The following TRIM37 variants were observed in gnomAD, a reference collection of about 807,000 sequenced individuals.
TRIM37 encodes the protein tripartite motif containing 37, also known as E3 ubiquitin-protein ligase TRIM37.
Under a neutral mutation model 129.8 loss-of-function variants are expected in TRIM37, and 80 were observed. The observed-to-expected ratio is 0.62, with a 90% CI of 0.51 to 0.74. The LOEUF (loss-of-function observed/expected upper bound fraction) is 0.74, where lower values mean the gene tolerates loss of function less well. TRIM37 is among the 30% of genes least tolerant of loss of function. The pLI, the probability that TRIM37 is intolerant of heterozygous loss-of-function variation, is 0.00. For missense variants in TRIM37, 1,054 were observed against 1,176.5 expected, an observed-to-expected ratio of 0.90 and a Z score of 1.52; for synonymous variants, 389 against 387.1, an observed-to-expected ratio of 1.00 and a Z score of -0.06.
exon 25 of TRIM37, chr17:58,982,851 A>ATATC: frequency 6.6e-7 from 1 of 1,506,316 alleles, no homozygotes; most frequent in Non-Finnish European, 9.1e-7. Flanking sequence ...GTCCTCACTC[A>ATATC]TATCTGTCAC....
At chr17:59,088,443 G>A (rs1312277320) in intron 3 of TRIM37, 36 bp from the exon 4 acceptor site, 1 of 1,152,742 alleles carries the variant, frequency 8.7e-7, no homozygotes, top group Non-Finnish European at 1.3e-6. Context: ...ACTAATTCAG[G>A]AATTTGAGAT....
At chr17:59,088,548 T>C in intron 3 of TRIM37, 141 bp from the exon 4 acceptor site, 1 of 673,172 alleles carries the variant, frequency 1.5e-6, no homozygotes, top group African/African-American at 1.8e-5. Context: ...AGTCTCACTC[T>C]ATGACCCAGG....
At chr17:59,027,593 G>GT (rs2037381921) in intron 19 of TRIM37, among the ~76,000 whole-genome samples, 1 of 152,178 alleles carries the variant, frequency 6.6e-6, no homozygotes, top group Non-Finnish European at 1.5e-5. Flanking sequence ...ACAAGATAAT[G>GT]TAATAGGCTG....
the TRIM37 span, among the ~76,000 whole-genome samples, chr17:58,968,049 G>A: frequency 6.6e-6 from 1 of 152,028 alleles, no homozygotes; most frequent in Non-Finnish European, 1.5e-5. Flanking sequence ...TGATCTGCCC[G>A]CCTTGGCCTC....
chr17:59,042,430 TTAAAAAAA>T lies in TRIM37; in HGVS notation c.1668-540_1668-533del, dbSNP rs1330538877. On this transcript the variant is annotated intron_variant, in intron 16 of 23. Coordinates refer to ENST00000262294, the MANE Select transcript of TRIM37 (RefSeq NM_015294.6). ...TTAGAAAGCTAAGAAAAAAAGGAAT[TTAAAAAAA>T]AAAAAAAAAAAATATATATATATAT... Among the ~76,000 whole-genome samples, 64 of 92,082 alleles carry T rather than the reference TTAAAAAAA, an allele frequency of 7.0e-4. 2 individuals carry two copies. The highest frequency in any genetic ancestry group is 8.2e-4 in the African/African-American group (15 of 18,280). The allele number at this position is 92,082 out of a possible 152,430, so 60.4% of individuals were successfully genotyped here.
Position 59,106,769 on chromosome 17 carries a change from G to A in TRIM37, c.-308C>T, listed in dbSNP as rs1459185035. 9.0e-6 allele frequency: 5 copies of A among 557,810 alleles called. No homozygotes were observed. The highest frequency in any genetic ancestry group is 4.7e-4 in the Middle Eastern group (1 of 2,114). The allele number at this position is 557,810 out of a possible 1,614,324, so 34.6% of individuals were successfully genotyped here. A position where few individuals can be genotyped will look rare whatever the true frequency, so the allele number is the denominator to read the frequency against. On this transcript the variant is annotated 5_prime_UTR_variant, in exon 1 of 24. Coordinates refer to ENST00000262294, the MANE Select transcript of TRIM37 (RefSeq NM_015294.6). Reference sequence around the variant, plus strand: ...CCGGAACCTCGGCCCACGTGACGCGGGCGCGCGCCTATGGAACTGACGGTG... The same window carrying A: ...CCGGAACCTCGGCCCACGTGACGCGAGCGCGCGCCTATGGAACTGACGGTG...
chr17:58,992,864 A>G (rs2032590072), intron 24 of TRIM37, among the ~76,000 whole-genome samples: 1 of 152,000 alleles, frequency 6.6e-6, no homozygotes, highest in South Asian at 2.1e-4. Flanking sequence ...ACCATAAATA[A>G]CTCCTAACAC....
At chr17:59,043,041 A>G (rs1046723830) in intron 16 of TRIM37, among the ~76,000 whole-genome samples, 2 of 152,238 alleles carry the variant, frequency 1.3e-5, no homozygotes, top group South Asian at 4.2e-4. Context: ...TAACATCCAA[A>G]AAAAGCCCAA....
intron 23 of TRIM37, among the ~76,000 whole-genome samples, chr17:59,000,493 C>G (rs1453400195): frequency 6.6e-6 from 1 of 151,984 alleles, no homozygotes; most frequent in African/African-American, 2.4e-5. Flanking sequence ...CCCAGCTATT[C>G]AGGAGGCTGA....
At chr17:59,013,728 A>G (rs898346544) in intron 21 of TRIM37, among the ~76,000 whole-genome samples, 7 of 151,776 alleles carry the variant, frequency 4.6e-5, no homozygotes, top group Non-Finnish European at 1.0e-4. Context: ...AGGTCTTGCT[A>G]TGTTGCCTAG....
intron 13 of TRIM37, among the ~76,000 whole-genome samples, chr17:59,054,248 T>G (rs1329609739): frequency 6.6e-6 from 1 of 152,244 alleles, no homozygotes; most frequent in East Asian, 1.9e-4. Flanking sequence ...CAAGTTCTTA[T>G]TTTGATCATC....
Position 59,035,294 on chromosome 17 carries a change from C to CA in TRIM37, c.1754-3205dup, listed in dbSNP as rs1247557822. On this transcript the variant is annotated intron_variant, in intron 17 of 23. Coordinates refer to ENST00000262294, the MANE Select transcript of TRIM37 (RefSeq NM_015294.6). ...CAGGCTGGTCTTGAACTCCTGGCCT[C>CA]AAGTGATCCACATGCCTCAGCCTCC... Among the ~76,000 whole-genome samples the CA allele has an allele frequency of 5.4e-4, 82 of 152,054 alleles. 2 individuals are homozygous for CA. Among genetic ancestry groups the CA allele is most frequent in the Non-Finnish European group, 7.4e-5 (5 of 67,992 alleles).
At chr17:59,084,889 T>TGCTA (rs1300415620) in intron 4 of TRIM37, among the ~76,000 whole-genome samples, 1 of 152,182 alleles carries the variant, frequency 6.6e-6, no homozygotes, top group Admixed American at 6.5e-5. Context: ...AAACCAACAC[T>TGCTA]GCTAGCATTT....
intron 4 of TRIM37, 119 bp downstream of exon 4, chr17:59,088,172 A>G: frequency 1.4e-6 from 1 of 698,302 alleles, no homozygotes; most frequent in Non-Finnish European, 2.6e-6. Context: ...AAGAATTAAA[A>G]ACAAGAAATA....
At chr17:58,996,625 A>G (rs1266390924), downstream of TRIM37, among the ~76,000 whole-genome samples, 1 of 151,816 alleles carries the variant, frequency 6.6e-6, no homozygotes, top group Admixed American at 6.6e-5. Flanking sequence ...CACAAAAAAT[A>G]GAAAAATTAG....
intron 24 of TRIM37, among the ~76,000 whole-genome samples, chr17:58,986,806 A>G (rs6503890): frequency 0.64 from 97,631 of 152,066 alleles, 31,710 homozygotes; most frequent in African/African-American, 0.72. Flanking sequence ...CACCACGCCC[A>G]GCCCCATCTG....
Position 59,106,821 on chromosome 17 carries a change from G to A in TRIM37, c.-360C>T. The A allele has an allele frequency of 2.1e-6, 1 of 468,286 alleles. No homozygotes were observed. The highest frequency in any genetic ancestry group is 3.9e-6 in the Non-Finnish European group (1 of 259,044). 29.0% of individuals were successfully genotyped at this position (468,286 alleles called of 1,614,324 possible). On this transcript the variant is annotated 5_prime_UTR_variant, in exon 1 of 24. Coordinates refer to ENST00000262294, the MANE Select transcript of TRIM37 (RefSeq NM_015294.6). ...AGTTCAGCGAAGAAGGTGCCGCAGAGAATTCGCAAACACCAACCGTAACCA... is the reference window on the plus strand; with the variant it reads ...AGTTCAGCGAAGAAGGTGCCGCAGAAAATTCGCAAACACCAACCGTAACCA...
intron 2 of TRIM37, among the ~76,000 whole-genome samples, chr17:59,100,796 G>A (rs1458155545): frequency 1.3e-5 from 2 of 152,102 alleles, no homozygotes; most frequent in African/African-American, 2.4e-5. Flanking sequence ...GCTGAGGTGG[G>A]TGGATCACCT....
chr17:59,002,409 A>T (rs1164961999), intron 22 of TRIM37, among the ~76,000 whole-genome samples: 1 of 151,992 alleles, frequency 6.6e-6, no homozygotes, highest in Non-Finnish European at 1.5e-5. Context: ...TAATTTAAAA[A>T]TTTTTTGGAG....
Sources: allele counts gnomAD v4.1 joint callset (sites outside exome capture counted in the v4.1 genomes callset), GRCh38; gene constraint gnomAD v4.1.1; transcripts MANE v1.5; gene names NCBI Gene and HGNC (gene_info 2026-07-23, HGNC 2026-07-21).